The following MAD1L1 variants were observed in gnomAD, a reference collection of about 807,000 sequenced individuals.
MAD1L1 encodes the protein mitotic spindle assembly checkpoint protein MAD1.
In MAD1L1, 95 loss-of-function variants were observed where a neutral mutation model predicts 96.9. That is an observed-to-expected ratio of 0.98 (90% CI 0.83 to 1.16). MAD1L1 has a LOEUF of 1.16. Ranked by LOEUF, MAD1L1 falls within the 50% of genes most tolerant of loss-of-function variation. MAD1L1 has a pLI of 0.00. For synonymous variants in MAD1L1, 473 were observed against 396.6 expected, an observed-to-expected ratio of 1.19 and a Z score of -2.29; for missense variants, 1,007 against 954.4, an observed-to-expected ratio of 1.06 and a Z score of -0.73.
intron 10 of MAD1L1, among the ~76,000 whole-genome samples, chr7:2,181,818 A>C (rs968010789): frequency 3.9e-5 from 6 of 152,112 alleles, no homozygotes; most frequent in Admixed American, 1.3e-4. Context: ...GTCTCTATAT[A>C]TATATATATA....
Position 2,003,268 on chromosome 7 carries a change from G to A in MAD1L1, c.1360-1147C>T, listed in dbSNP as rs565847310. ...GAGGCGGGGAGGCGTGTGTATGTGC[G>A]TGTACACAAGTGTGGGTATGTATAT... On this transcript the variant is annotated intron_variant, in intron 13 of 18. Transcript: ENST00000265854. 7.9e-5 allele frequency among the ~76,000 whole-genome samples: 12 copies of A among 152,320 alleles called. No individual in the cohort carries two copies. In the East Asian group the frequency reaches 9.6e-4, roughly 12 times the overall value.
At chr7:2,067,426 G>A (rs1462188408) in intron 12 of MAD1L1, among the ~76,000 whole-genome samples, 2 of 152,162 alleles carry the variant, frequency 1.3e-5, no homozygotes, top group East Asian at 3.9e-4. Context: ...CCCCCAGGAA[G>A]CTCTGAGCTT....
At chr7:2,086,847 G>A (rs996674083) in intron 11 of MAD1L1, among the ~76,000 whole-genome samples, 5 of 152,216 alleles carry the variant, frequency 3.3e-5, no homozygotes, top group African/African-American at 4.8e-5. Flanking sequence ...GAGCCACCGC[G>A]CCCAGCACAA....
chr7:1,919,643 A>G (rs1232983455), intron 17 of MAD1L1, among the ~76,000 whole-genome samples: 2 of 152,164 alleles, frequency 1.3e-5, no homozygotes, highest in Non-Finnish European at 2.9e-5. Flanking sequence ...AGCACACATC[A>G]TGGGCCAGCG....
chr7:2,176,657 G>C (rs1337389794), intron 10 of MAD1L1, among the ~76,000 whole-genome samples: 1 of 151,404 alleles, frequency 6.6e-6, no homozygotes, highest in Admixed American at 6.6e-5. Flanking sequence ...AAACTATACT[G>C]TCTCTATACA....
At chr7:2,182,321 A>G (rs542803274) in intron 10 of MAD1L1, among the ~76,000 whole-genome samples, 5 of 152,142 alleles carry the variant, frequency 3.3e-5, no homozygotes, top group Non-Finnish European at 5.9e-5. Context: ...CACGAGGCTA[A>G]CCATAAGAAA....
chr7:2,017,150 G>A (rs1234743494), intron 12 of MAD1L1, among the ~76,000 whole-genome samples: 1 of 152,256 alleles, frequency 6.6e-6, no homozygotes, highest in Non-Finnish European at 1.5e-5. Context: ...TAGTGAAACA[G>A]CAGGCACGGT....
In MAD1L1 at chr7:2,113,902, A is replaced by G. The variant is rs1228904892; in HGVS notation, c.1073+35250T>C. ...CTCGAAGAGGCGGGGTCACGACGAC[A>G]GGAGAGACCGAGGAGCAGATTCTCT... On this transcript the variant is annotated intron_variant, in intron 11 of 18. Transcript: ENST00000265854. 2.0e-5 allele frequency among the ~76,000 whole-genome samples: 3 copies of G among 152,244 alleles called. No homozygotes were observed. In the East Asian group the frequency reaches 5.8e-4, roughly 29 times the overall value.
chr7:2,179,698 G>A (rs1375817960), intron 10 of MAD1L1, among the ~76,000 whole-genome samples: 1 of 152,158 alleles, frequency 6.6e-6, no homozygotes, highest in East Asian at 1.9e-4. Flanking sequence ...GGCCGAGCAT[G>A]GTGGCTCACG....
At chr7:2,112,957 G>T (rs773530846) in intron 11 of MAD1L1, among the ~76,000 whole-genome samples, 1 of 152,180 alleles carries the variant, frequency 6.6e-6, no homozygotes, top group Admixed American at 6.5e-5. Context: ...CTGAAATACC[G>T]TGAATGAACC....
At chr7:1,959,675 A>G (rs1583919549) in intron 15 of MAD1L1, among the ~76,000 whole-genome samples, 2 of 152,208 alleles carry the variant, frequency 1.3e-5, no homozygotes, top group Non-Finnish European at 2.9e-5. Context: ...AGAAATAAAA[A>G]CCGCCACCTT....
intron 11 of MAD1L1, among the ~76,000 whole-genome samples, chr7:2,084,756 G>A (rs1227057563): frequency 6.6e-6 from 1 of 152,180 alleles, no homozygotes; most frequent in Non-Finnish European, 1.5e-5. Flanking sequence ...AACCCTGGGA[G>A]CCACCAGAGC....
intron 3 of MAD1L1, among the ~76,000 whole-genome samples, chr7:2,229,711 CTG>C (rs1407501114): frequency 6.6e-6 from 1 of 152,260 alleles, no homozygotes; most frequent in Non-Finnish European, 1.5e-5. Flanking sequence ...TCACCAGGGT[CTG>C]TGAGTGCACT....
chr7:1,859,669 G>A (rs1238180827), intron 18 of MAD1L1, among the ~76,000 whole-genome samples: 2 of 152,180 alleles, frequency 1.3e-5, no homozygotes, highest in African/African-American at 4.8e-5. Flanking sequence ...CACAGCCCCA[G>A]CCCCTCAGCT....
chr7:2,052,820 C>T (rs1369194822), intron 12 of MAD1L1, among the ~76,000 whole-genome samples: 1 of 152,048 alleles, frequency 6.6e-6, no homozygotes, highest in Non-Finnish European at 1.5e-5. Context: ...ACAGAGGAAC[C>T]GGGAGGGAGC....
At chr7:2,095,209 C>A (rs1418151445) in intron 11 of MAD1L1, among the ~76,000 whole-genome samples, 2 of 152,004 alleles carry the variant, frequency 1.3e-5, no homozygotes, top group African/African-American at 4.8e-5. Context: ...CGCCTGGCTA[C>A]ATTTTTTTGT....
At chr7:2,179,691 C>T (rs767064577) in intron 10 of MAD1L1, among the ~76,000 whole-genome samples, 5 of 151,916 alleles carry the variant, frequency 3.3e-5, no homozygotes, top group African/African-American at 9.7e-5. Context: ...TGTCTTAGGC[C>T]GAGCATGGTG....
chr7:1,923,513 C>T (rs899477774), intron 17 of MAD1L1, among the ~76,000 whole-genome samples: 2 of 151,948 alleles, frequency 1.3e-5, no homozygotes, highest in African/African-American at 4.8e-5. Context: ...TCTTCCGCCC[C>T]GGCACCCGGG....
intron 14 of MAD1L1, among the ~76,000 whole-genome samples, chr7:1,982,381 G>C (rs1180297499): frequency 7.2e-5 from 11 of 151,932 alleles, no homozygotes; most frequent in Non-Finnish European, 1.3e-4. Flanking sequence ...GCTAATTTTT[G>C]TATTTTTAGT....
Sources: gnomAD v4.1 joint callset for allele counts (sites outside exome capture counted in the v4.1 genomes callset) on GRCh38, gnomAD v4.1.1 for gene constraint, MANE v1.5 for transcripts, NCBI Gene and HGNC (gene_info 2026-07-23, HGNC 2026-07-21) for gene names.